The following EEPD1 variants were observed in gnomAD, a reference collection of about 807,000 sequenced individuals.
EEPD1 encodes endonuclease/exonuclease/phosphatase family domain containing 1.
EEPD1 carries 17 observed loss-of-function variants against 46.3 expected under a neutral mutation model. The observed-to-expected ratio is 0.37, with a 90% CI of 0.25 to 0.55. The LOEUF (loss-of-function observed/expected upper bound fraction) is 0.55, where lower values mean the gene tolerates loss of function less well. EEPD1 is among the 20% of genes least tolerant of loss of function. The pLI is 0.83. For missense variants in EEPD1, 673 were observed against 745.6 expected (o/e 0.90, Z 1.13); for synonymous variants, 313 against 315.6 (o/e 0.99, Z 0.09).
intron 4 of EEPD1, among the ~76,000 whole-genome samples, chr7:36,284,446 A>G (rs894824337): frequency 2.0e-5 from 3 of 152,230 alleles, no homozygotes; most frequent in African/African-American, 7.2e-5. Flanking sequence ...CCCCAAAGAC[A>G]GAAGAGCCCA....
intron 2 of EEPD1, among the ~76,000 whole-genome samples, chr7:36,208,377 A>G (rs147702383): frequency 7.3e-4 from 111 of 152,378 alleles, no homozygotes; most frequent in East Asian, 4.6e-3. Flanking sequence ...TGCACAGTTT[A>G]GATGTTAACA....
intron 2 of EEPD1, among the ~76,000 whole-genome samples, chr7:36,198,354 A>G (rs1182346840): frequency 2.2e-5 from 3 of 135,122 alleles, no homozygotes; most frequent in African/African-American, 5.4e-5. Flanking sequence ...AAAAAAAAAA[A>G]AAAAGAAAGA....
At chr7:36,159,359 C>G (rs1784869791) in intron 2 of EEPD1, among the ~76,000 whole-genome samples, 1 of 152,110 alleles carries the variant, frequency 6.6e-6, no homozygotes, top group Non-Finnish European at 1.5e-5. Context: ...ATAGGCTCAC[C>G]CTGGGAGGTT....
chr7:36,298,432 G>C (rs113991614), intron 7 of EEPD1, among the ~76,000 whole-genome samples: 1 of 152,112 alleles, frequency 6.6e-6, no homozygotes, highest in South Asian at 2.1e-4. Flanking sequence ...ACCACACAGT[G>C]CTTTCTAGCT....
intron 2 of EEPD1, among the ~76,000 whole-genome samples, chr7:36,197,295 G>A (rs1264894659): frequency 6.9e-6 from 1 of 144,502 alleles, no homozygotes; most frequent in Admixed American, 6.7e-5. Context: ...GAGGTGGGGG[G>A]GTCAGCCCCC....
intron 6 of EEPD1, 138 bp from the exon 7 acceptor site, chr7:36,296,855 A>G (rs1787533209): frequency 2.7e-6 from 2 of 727,420 alleles, no homozygotes; most frequent in Non-Finnish European, 4.4e-6. Flanking sequence ...AAGAGTGAGG[A>G]GAGTGAGAAC....
intron 2 of EEPD1, among the ~76,000 whole-genome samples, chr7:36,173,487 G>C (rs1407027927): frequency 6.6e-6 from 1 of 151,060 alleles, no homozygotes; most frequent in Non-Finnish European, 1.5e-5. Context: ...GACAGAGTGA[G>C]ACTCCGTCTT....
chr7:36,219,806 A>AGAGTGT lies in EEPD1; in HGVS notation c.879-19178_879-19177insAGTGTG, dbSNP rs1341203087. Among the ~76,000 whole-genome samples the AGAGTGT allele has an allele frequency of 1.7e-3, 129 of 75,450 alleles. 1 individual carries two copies. Among genetic ancestry groups the AGAGTGT allele is most frequent in the African/African-American group, 5.0e-3 (109 of 21,960 alleles). 49.5% of individuals were successfully genotyped at this position (75,450 alleles called of 152,430 possible). On this transcript the variant is annotated intron_variant, in intron 2 of 7. Coordinates refer to ENST00000242108, the MANE Select transcript of EEPD1 (RefSeq NM_030636.3). ...GAGAGAGAGAGAGAGAGAGAGAGAG[A>AGAGTGT]GTGTGTGTGTGTGTGTGTGTGTGTG...
intron 6 of EEPD1, among the ~76,000 whole-genome samples, chr7:36,293,220 T>G (rs994777773): frequency 1.3e-5 from 2 of 152,102 alleles, no homozygotes; most frequent in Admixed American, 6.5e-5. Flanking sequence ...ATAATAAGAC[T>G]TCAGTGAAGA....
At chr7:36,272,511 T>C (rs1208551163) in intron 3 of EEPD1, among the ~76,000 whole-genome samples, 1 of 150,160 alleles carries the variant, frequency 6.7e-6, no homozygotes, top group African/African-American at 2.4e-5. Context: ...TTGTTGTTTT[T>C]TTTTTTTTTT....
At chr7:36,229,909 C>CA (rs1270386391) in intron 2 of EEPD1, among the ~76,000 whole-genome samples, 1 of 152,062 alleles carries the variant, frequency 6.6e-6, no homozygotes, top group Non-Finnish European at 1.5e-5. Flanking sequence ...CCTTCGTCAC[C>CA]ATCCTCCCGC....
chr7:36,279,521 T>C (rs1011793939), intron 3 of EEPD1, among the ~76,000 whole-genome samples: 5 of 152,198 alleles, frequency 3.3e-5, no homozygotes, highest in African/African-American at 1.2e-4. Context: ...ACCAGACCTT[T>C]AGACCCTGGC....
chr7:36,236,012 C>T (rs1786430431), intron 2 of EEPD1, among the ~76,000 whole-genome samples: 1 of 151,610 alleles, frequency 6.6e-6, no homozygotes, highest in South Asian at 2.1e-4. Context: ...GCAGCCTCGA[C>T]CTCCCGGGCT....
At chr7:36,248,974 C>T (rs1786686876) in intron 3 of EEPD1, among the ~76,000 whole-genome samples, 1 of 127,054 alleles carries the variant, frequency 7.9e-6, no homozygotes, top group African/African-American at 2.9e-5. Context: ...TAATTATGGG[C>T]TAGGCTCTGT....
intron 3 of EEPD1, among the ~76,000 whole-genome samples, chr7:36,253,904 T>C (rs1786785607): frequency 6.6e-6 from 1 of 152,200 alleles, no homozygotes; most frequent in Non-Finnish European, 1.5e-5. Flanking sequence ...TTTTATTGGA[T>C]TGTTTAGTCC....
intron 2 of EEPD1, among the ~76,000 whole-genome samples, chr7:36,227,361 A>G (rs768238071): frequency 6.6e-6 from 1 of 152,192 alleles, no homozygotes; most frequent in Non-Finnish European, 1.5e-5. Context: ...CTGTGCTGAC[A>G]TCCTAATCCC....
chr7:36,269,408 A>T (rs1787068799), intron 3 of EEPD1, among the ~76,000 whole-genome samples: 1 of 152,192 alleles, frequency 6.6e-6, no homozygotes, highest in Admixed American at 6.5e-5. Flanking sequence ...GGTCCCAGCT[A>T]CTTAGGAGGC....
chr7:36,219,380 A>G lies in EEPD1; in HGVS notation c.879-19605A>G, dbSNP rs535755054. Among the ~76,000 whole-genome samples the G allele has an allele frequency of 1.1e-3, 164 of 152,092 alleles. 1 individual carries two copies. Among genetic ancestry groups the G allele is most frequent in the African/African-American group, 3.7e-3 (152 of 41,466 alleles). On this transcript the variant is annotated intron_variant, in intron 2 of 7. Coordinates refer to ENST00000242108, the MANE Select transcript of EEPD1 (RefSeq NM_030636.3). Reference sequence around the variant, plus strand: ...TCTCCTATGAATTCCAAAATACAAAAGGTGGGGACCTGGCTGGGTGTGGTG... The same window carrying G: ...TCTCCTATGAATTCCAAAATACAAAGGGTGGGGACCTGGCTGGGTGTGGTG...
intron 6 of EEPD1, among the ~76,000 whole-genome samples, chr7:36,289,147 CAAA>C (rs959484728): frequency 2.6e-5 from 4 of 152,206 alleles, no homozygotes; most frequent in Admixed American, 6.5e-5. Context: ...GCATTTCTAA[CAAA>C]AAAGATTTTT....
Sources: gnomAD v4.1 joint callset for allele counts (sites outside exome capture counted in the v4.1 genomes callset) on GRCh38, gnomAD v4.1.1 for gene constraint, MANE v1.5 for transcripts, NCBI Gene and HGNC (gene_info 2026-07-23, HGNC 2026-07-21) for gene names.